Variants in CDH12 observed in about 807,000 individuals in gnomAD.
The protein encoded by CDH12 is cadherin-12.
Under a neutral mutation model 74.1 loss-of-function variants are expected in CDH12, and 41 were observed. The ratio of observed to expected loss-of-function variants is 0.55; its 90% CI spans 0.43 to 0.72. The LOEUF (loss-of-function observed/expected upper bound fraction) is 0.72. Among genes scored for constraint, CDH12 ranks in the 30% least tolerant of loss-of-function variants. The pLI is 0.00. For missense variants in CDH12, 945 were observed against 977.2 expected, an observed-to-expected ratio of 0.97 and a Z score of 0.44; for synonymous variants, 399 against 355.0, an observed-to-expected ratio of 1.12 and a Z score of -1.39.
intron 1 of CDH12, among the ~76,000 whole-genome samples, chr5:22,578,105 C>T (rs1313152545): frequency 6.6e-6 from 1 of 152,128 alleles, no homozygotes; most frequent in East Asian, 1.9e-4. Flanking sequence ...TCTTACTATT[C>T]ATTATCTTTA....
At chr5:21,840,225 G>T (rs1221565944) in intron 8 of CDH12, among the ~76,000 whole-genome samples, 1 of 151,880 alleles carries the variant, frequency 6.6e-6, no homozygotes, top group African/African-American at 2.4e-5. Flanking sequence ...AAACTATGAG[G>T]CTCCATATTA....
chr5:21,815,529 AT>A (rs1747992851), intron 9 of CDH12, among the ~76,000 whole-genome samples: 1 of 152,134 alleles, frequency 6.6e-6, no homozygotes, highest in Admixed American at 6.6e-5. Context: ...GTAAATAATA[AT>A]TTCTTCCTAA....
chr5:22,079,899 G>GAAA (rs35956037), intron 4 of CDH12, among the ~76,000 whole-genome samples: 10 of 145,792 alleles, frequency 6.9e-5, no homozygotes, highest in Non-Finnish European at 1.2e-4. Context: ...TATGCAAATG[G>GAAA]AAAAAAAAAA....
chr5:22,547,132 T>C (rs1038117398), intron 1 of CDH12, among the ~76,000 whole-genome samples: 42 of 152,174 alleles, frequency 2.8e-4, no homozygotes, highest in Middle Eastern at 3.2e-3. Flanking sequence ...TCAGAAAAAC[T>C]GTTGTAATTA....
intron 1 of CDH12, among the ~76,000 whole-genome samples, chr5:22,663,120 A>G (rs899181423): frequency 6.6e-6 from 1 of 152,222 alleles, no homozygotes; most frequent in Non-Finnish European, 1.5e-5. Flanking sequence ...GCTCATTTCA[A>G]CTTTATGATA....
intron 1 of CDH12, among the ~76,000 whole-genome samples, chr5:22,838,708 C>T (rs192097493): frequency 4.1e-4 from 62 of 151,206 alleles, no homozygotes; most frequent in African/African-American, 1.5e-3. Context: ...TGAGGTCTCA[C>T]TCTGTTGTCA....
At chr5:21,827,523 C>T (rs934287990) in intron 8 of CDH12, among the ~76,000 whole-genome samples, 6 of 152,136 alleles carry the variant, frequency 3.9e-5, no homozygotes, top group Admixed American at 6.6e-5. Context: ...TCCAATTCTT[C>T]CTTTCTTCTT....
Position 22,140,466 on chromosome 5 carries a change from G to T in CDH12, c.-186-61604C>A, listed in dbSNP as rs529455053. ...TAAAAAGAGAAGTAAGTTTCCTTTCGCATTCATCCAATCCTGTATATTTGT... is the reference window on the plus strand; with the variant it reads ...TAAAAAGAGAAGTAAGTTTCCTTTCTCATTCATCCAATCCTGTATATTTGT... On this transcript the variant is annotated intron_variant, in intron 4 of 14. Transcript: ENST00000382254. Among the ~76,000 whole-genome samples, 94 of 151,948 alleles carry T rather than the reference G, an allele frequency of 6.2e-4. 1 individual carries two copies. Among genetic ancestry groups the T allele is most frequent in the Middle Eastern group, 3.4e-3 (1 of 294 alleles).
At chr5:22,845,228 A>ACACAGTTT (rs1737248877) in intron 1 of CDH12, among the ~76,000 whole-genome samples, 1 of 152,138 alleles carries the variant, frequency 6.6e-6, no homozygotes, top group South Asian at 2.1e-4. Context: ...TAACAGGAGA[A>ACACAGTTT]CACAGTTTCT....
At chr5:22,519,350 A>G (rs1227224509) in intron 1 of CDH12, among the ~76,000 whole-genome samples, 2 of 152,114 alleles carry the variant, frequency 1.3e-5, no homozygotes, top group Non-Finnish European at 1.5e-5. Flanking sequence ...GATATAAAGT[A>G]AAATAAAGTT....
chr5:21,781,042 C>G (rs1234555409), intron 11 of CDH12, among the ~76,000 whole-genome samples: 1 of 152,094 alleles, frequency 6.6e-6, no homozygotes, highest in Non-Finnish European at 1.5e-5. Flanking sequence ...TGCTTGGTAG[C>G]TAACTCACTG....
At chr5:21,815,002 A>T (rs1364886781) in intron 9 of CDH12, among the ~76,000 whole-genome samples, 1 of 152,076 alleles carries the variant, frequency 6.6e-6, no homozygotes, top group Non-Finnish European at 1.5e-5. Context: ...TGCAAATTTA[A>T]CATAAATGCT....
chr5:22,283,251 T>TATATATACACACACACAC (rs1282673054), intron 3 of CDH12, among the ~76,000 whole-genome samples: 7 of 102,036 alleles, frequency 6.9e-5, no homozygotes, highest in African/African-American at 2.9e-4. Context: ...TATATATATA[T>TATATATACACACACACAC]ACACACACAC....
At chr5:22,244,761 AAAGAAAGAAAGAAAG>A (rs1294133472) in intron 3 of CDH12, among the ~76,000 whole-genome samples, 4 of 114,964 alleles carry the variant, frequency 3.5e-5, no homozygotes, top group African/African-American at 1.3e-4. Context: ...AGAAAGAAAG[AAAGAAAGAAAGAAAG>A]AAAGAAAGAA....
At chr5:21,996,190 C>T (rs1321476084) in intron 5 of CDH12, among the ~76,000 whole-genome samples, 7 of 142,424 alleles carry the variant, frequency 4.9e-5, no homozygotes, top group African/African-American at 1.3e-4. Flanking sequence ...ATTTCTACTA[C>T]GATTCTTGAG....
At chr5:22,707,325 T>C (rs1288217608) in intron 1 of CDH12, among the ~76,000 whole-genome samples, 1 of 152,206 alleles carries the variant, frequency 6.6e-6, no homozygotes. Flanking sequence ...ATTTTCACTG[T>C]GTGATAACTA....
At chr5:22,602,304 C>T (rs1373718172) in intron 1 of CDH12, among the ~76,000 whole-genome samples, 1 of 152,108 alleles carries the variant, frequency 6.6e-6, no homozygotes, top group African/African-American at 2.4e-5. Flanking sequence ...CAGTGTTTGG[C>T]TTAATCTTGA....
At chr5:21,775,008 G>T (rs1321190671) in intron 11 of CDH12, among the ~76,000 whole-genome samples, 3 of 152,162 alleles carry the variant, frequency 2.0e-5, no homozygotes, top group Non-Finnish European at 1.5e-5. Context: ...CAGAAAGTCT[G>T]ATTCACCATG....
chr5:21,787,224 C>G (rs571436574), intron 10 of CDH12, among the ~76,000 whole-genome samples: 5 of 152,102 alleles, frequency 3.3e-5, no homozygotes, highest in Non-Finnish European at 7.4e-5. Flanking sequence ...CAGAGAAATA[C>G]TTTGTGAATG....
Sources: gnomAD v4.1 joint callset for allele counts (sites outside exome capture counted in the v4.1 genomes callset) on GRCh38, gnomAD v4.1.1 for gene constraint, MANE v1.5 for transcripts, NCBI Gene and HGNC (gene_info 2026-07-23, HGNC 2026-07-21) for gene names.